PAPPA: variants seen among roughly 807,000 people sequenced by gnomAD.
The protein encoded by PAPPA is pappalysin-1.
In PAPPA, 60 loss-of-function variants were observed where a neutral mutation model predicts 164.0. The observed-to-expected ratio is 0.37, with a 90% CI of 0.30 to 0.45. The LOEUF (loss-of-function observed/expected upper bound fraction) is 0.45, where lower values mean the gene tolerates loss of function less well. PAPPA is among the 20% of genes least tolerant of loss of function. The pLI, the probability that PAPPA is intolerant of heterozygous loss-of-function variation, is 1.00. For synonymous variants in PAPPA, 875 were observed against 814.1 expected (o/e 1.07, Z -1.27); for missense variants, 1,782 against 2,087.3 (o/e 0.85, Z 2.85).
intron 7 of PAPPA, among the ~76,000 whole-genome samples, chr9:116,249,651 G>C (rs1018176266): frequency 6.6e-5 from 10 of 152,202 alleles, no homozygotes; most frequent in African/African-American, 2.4e-4. Context: ...TGGTGGTCAA[G>C]TGGAAATGCA....
At chr9:116,199,921 C>T (rs945604496) in intron 2 of PAPPA, among the ~76,000 whole-genome samples, 2 of 151,948 alleles carry the variant, frequency 1.3e-5, no homozygotes, top group Non-Finnish European at 2.9e-5. Context: ...TCTTTTTAAC[C>T]ACCGACTCTC....
chr9:116,226,455 CA>C (rs1256942707), intron 5 of PAPPA, among the ~76,000 whole-genome samples: 2 of 152,292 alleles, frequency 1.3e-5, no homozygotes, highest in African/African-American at 4.8e-5. Flanking sequence ...GTAGCCAAAG[CA>C]CAGAAGTTCT....
rs950645520 is a variant in PAPPA at position 116,399,766 on chromosome 9, T to C, written c.*3150T>C. Reference sequence around the variant, plus strand: ...TGGGAAATGAGTTTTGATGGTGAATTGGGGTGTTAAGGAAGGGAAAGATTG... The same window carrying C: ...TGGGAAATGAGTTTTGATGGTGAATCGGGGTGTTAAGGAAGGGAAAGATTG... On this transcript the variant is annotated 3_prime_UTR_variant, in exon 22 of 22. Transcript: ENST00000328252. 1 of 152,512 alleles carries C rather than the reference T, an allele frequency of 6.6e-6. No individual in the cohort carries two copies. Among genetic ancestry groups the C allele is most frequent in the African/African-American group, 2.4e-5 (1 of 41,414 alleles). The allele number at this position is 152,512 out of a possible 1,614,324, so 9.4% of individuals were successfully genotyped here.
chr9:116,347,917 A>G lies in PAPPA; in HGVS notation c.3964+708A>G, dbSNP rs1315776998. Among the ~76,000 whole-genome samples, 1 of 152,170 alleles carries G rather than the reference A, an allele frequency of 6.6e-6. No homozygotes were observed. The highest frequency in any genetic ancestry group is 2.4e-5 in the African/African-American group (1 of 41,440). On this transcript the variant is annotated intron_variant, in intron 15 of 21. Coordinates refer to ENST00000328252, the MANE Select transcript of PAPPA (RefSeq NM_002581.5). This position sits in a 1 kb window ranked among gnomAD's most constrained non-coding sequence, Gnocchi z 4.5. Reference sequence around the variant, plus strand: ...GGACTAGATGTGGAATGTGTTAATAACTCCAGACTAGGAAATCATACTTCT... The same window carrying G: ...GGACTAGATGTGGAATGTGTTAATAGCTCCAGACTAGGAAATCATACTTCT...
Position 116,397,050 on chromosome 9 carries a change from C to G in PAPPA, c.*434C>G. The G allele has an allele frequency of 6.2e-6, 1 of 160,586 alleles. No homozygotes were observed. Among genetic ancestry groups the G allele is most frequent in the Non-Finnish European group, 1.4e-5 (1 of 73,360 alleles). 9.9% of individuals were successfully genotyped at this position (160,586 alleles called of 1,614,324 possible). Reference sequence around the variant, plus strand: ...GGAATAAACTCAATCTTTTCTTTCCCAAGCTCCTAGCCAACACTATCCTTG... The same window carrying G: ...GGAATAAACTCAATCTTTTCTTTCCGAAGCTCCTAGCCAACACTATCCTTG... On this transcript the variant is annotated 3_prime_UTR_variant, in exon 22 of 22. Coordinates refer to ENST00000328252, the MANE Select transcript of PAPPA (RefSeq NM_002581.5).
rs537278017 is a variant in PAPPA, at chr9:116,184,015, C to CAG, written c.416-3127_416-3126dup. ...GAGCCCCTGGCAAAATAAAAACCTG[C>CAG]AGAGAGAGAGAGACAGAGAAAGAGA... is the stretch of plus-strand genomic sequence containing the variant. On this transcript the variant is annotated intron_variant, in intron 1 of 21. Transcript: ENST00000328252. Among the ~76,000 whole-genome samples the CAG allele has an allele frequency of 2.2e-3, 335 of 151,986 alleles. 2 individuals are homozygous for CAG. Among genetic ancestry groups the CAG allele is most frequent in the African/African-American group, 7.6e-3 (315 of 41,454 alleles).
At chr9:116,376,278 C>T (rs569503780) in intron 19 of PAPPA, among the ~76,000 whole-genome samples, 3 of 152,314 alleles carry the variant, frequency 2.0e-5, no homozygotes, top group South Asian at 2.1e-4. Flanking sequence ...CTCGGCCTCC[C>T]AAAGTGCTGA....
intron 2 of PAPPA, among the ~76,000 whole-genome samples, chr9:116,190,907 G>A (rs1844034460): frequency 6.6e-6 from 1 of 152,240 alleles, no homozygotes. Context: ...GTCATCTCTT[G>A]GTGAGGCTGG....
At chr9:116,384,059 A>G (rs932377056) in intron 21 of PAPPA, among the ~76,000 whole-genome samples, 1 of 152,068 alleles carries the variant, frequency 6.6e-6, no homozygotes, top group Non-Finnish European at 1.5e-5. Context: ...GTCTGTGTAT[A>G]TATCACTGCC....
intron 1 of PAPPA, among the ~76,000 whole-genome samples, chr9:116,174,298 T>C (rs1378199062): frequency 6.6e-6 from 1 of 152,142 alleles, no homozygotes; most frequent in East Asian, 1.9e-4. Flanking sequence ...TATCTCCCTT[T>C]GCCATCTCTC....
chr9:116,291,078 G>T (rs1183336465), intron 9 of PAPPA, among the ~76,000 whole-genome samples: 1 of 152,050 alleles, frequency 6.6e-6, no homozygotes, highest in African/African-American at 2.4e-5. Context: ...TGAACATTCT[G>T]CTCTGTTGGC....
intron 15 of PAPPA, among the ~76,000 whole-genome samples, chr9:116,351,786 C>T (rs1340085744): frequency 6.6e-6 from 1 of 152,080 alleles, no homozygotes; most frequent in Admixed American, 6.6e-5. Context: ...TAGTAACTGC[C>T]CAGTAGATGT....
intron 1 of PAPPA, among the ~76,000 whole-genome samples, chr9:116,170,744 T>G (rs952040616): frequency 6.6e-6 from 1 of 151,646 alleles, no homozygotes; most frequent in African/African-American, 2.4e-5. Context: ...CATCCATCTA[T>G]CCATCCATCC....
chr9:116,221,369 A>C (rs1211164965), intron 5 of PAPPA, among the ~76,000 whole-genome samples: 1 of 152,230 alleles, frequency 6.6e-6, no homozygotes, highest in Non-Finnish European at 1.5e-5. Flanking sequence ...TGATATATTA[A>C]TGATGGTAAA....
chr9:116,212,077 G>T, intron 4 of PAPPA, 145 bp downstream of exon 4: 1 of 698,968 alleles, frequency 1.4e-6, no homozygotes, highest in South Asian at 1.9e-5. Context: ...AATGTCTTTC[G>T]GTCATTCTCT....
chr9:116,327,666 A>C (rs1845938311), intron 10 of PAPPA, among the ~76,000 whole-genome samples: 1 of 151,916 alleles, frequency 6.6e-6, no homozygotes, highest in Non-Finnish European at 1.5e-5. Context: ...TTGTGTCCTT[A>C]GTGGCCAACT....
chr9:116,272,194 G>C (rs1328154202), intron 9 of PAPPA, among the ~76,000 whole-genome samples: 1 of 152,126 alleles, frequency 6.6e-6, no homozygotes, highest in African/African-American at 2.4e-5. Context: ...ATTTTGAGCT[G>C]GTCCAGATGA....
chr9:116,237,123 CTT>C (rs764116400), intron 7 of PAPPA, among the ~76,000 whole-genome samples: 6 of 152,188 alleles, frequency 3.9e-5, no homozygotes, highest in Non-Finnish European at 7.3e-5. Flanking sequence ...CTAGAGGAAA[CTT>C]TTAATCTTTT....
chr9:116,355,654 T>C (rs143863476), intron 17 of PAPPA, among the ~76,000 whole-genome samples: 1 of 152,322 alleles, frequency 6.6e-6, no homozygotes, highest in East Asian at 1.9e-4. Flanking sequence ...AGCCAAATAA[T>C]ATTCTGGCTG....
Sources: allele counts gnomAD v4.1 joint callset (sites outside exome capture counted in the v4.1 genomes callset), GRCh38; gene constraint gnomAD v4.1.1; non-coding constraint Gnocchi (gnomAD v3.1); transcripts MANE v1.5; gene names NCBI Gene and HGNC (gene_info 2026-07-23, HGNC 2026-07-21).